UBXN2A: variants seen among roughly 807,000 people sequenced by gnomAD.
The protein encoded by UBXN2A is UBX domain protein 2A, also known as UBX domain-containing protein 2A.
A neutral mutation model predicts 28.4 loss-of-function variants in UBXN2A; 28 were observed. The observed-to-expected ratio is 0.99, with a 90% CI of 0.73 to 1.35. The LOEUF (loss-of-function observed/expected upper bound fraction) is 1.35, where lower values mean the gene tolerates loss of function less well. Among genes scored for constraint, UBXN2A ranks in the 40% most tolerant of loss-of-function variants. UBXN2A has a pLI of 0.00. For synonymous variants in UBXN2A, 97 were observed against 103.6 expected (o/e 0.94, Z 0.39); for missense variants, 253 against 297.9 (o/e 0.85, Z 1.11).
chr2:23,957,740 A>G (rs1706698436), intron 1 of UBXN2A, among the ~76,000 whole-genome samples: 1 of 152,182 alleles, frequency 6.6e-6, no homozygotes, highest in South Asian at 2.1e-4. Context: ...AGGCTGAGGC[A>G]GGAGAATCTC....
chr2:23,999,806 A>T lies in UBXN2A; in HGVS notation c.719A>T (p.Asn240Ile). The T allele has an allele frequency of 6.2e-7, 1 of 1,614,178 alleles. No homozygotes were observed. ...TLTLEEADLQNAVIIQRLQKT... is the reference protein window; with the variant it reads ...TLTLEEADLQIAVIIQRLQKT... ...ACACTGGAAGAAGCAGATTTACAGA[A>T]TGCTGTCATCATTCAGAGACTCCAA... The change falls in exon 7 of 7, where the codon AAT (asparagine) becomes ATT (isoleucine). Residue 240 changes from asparagine to isoleucine, a missense_variant. Asn to Ile is a moderately radical substitution (Grantham distance 149). Transcript: ENST00000309033.
intron 1 of UBXN2A, among the ~76,000 whole-genome samples, chr2:23,948,551 C>T (rs757577306): frequency 6.6e-6 from 1 of 152,158 alleles, no homozygotes; most frequent in Non-Finnish European, 1.5e-5. Context: ...GAAGATGTTT[C>T]TTACCAATCT....
chr2:23,980,622 A>ATTTG (rs374301758), intron 4 of UBXN2A, among the ~76,000 whole-genome samples: 2 of 151,238 alleles, frequency 1.3e-5, no homozygotes, highest in Non-Finnish European at 3.0e-5. Flanking sequence ...CAGTTTTTTT[A>ATTTG]TTTGTTTGTT....
intron 2 of UBXN2A, among the ~76,000 whole-genome samples, chr2:23,961,485 G>T (rs1573559468): frequency 7.2e-6 from 1 of 139,692 alleles, no homozygotes; most frequent in African/African-American, 2.6e-5. Context: ...AAGTGGATTT[G>T]TAAAAATGTT....
rs181707811 is a variant in UBXN2A at position 23,952,771 on chromosome 2, G to T, written c.-14-5530G>T. On this transcript the variant is annotated intron_variant, in intron 1 of 6. Transcript: ENST00000309033. The stretch of plus-strand genomic sequence containing the variant: ...TTTTTGTATTTTTTGTAGAGATGGG[G>T]TCTGGCTATGTTGCCCAGCCTGGTT... Among the ~76,000 whole-genome samples the T allele has an allele frequency of 3.6e-3, 554 of 152,202 alleles. 5 individuals carry two copies. Among genetic ancestry groups the T allele is most frequent in the Admixed American group, 7.5e-3 (115 of 15,260 alleles).
chr2:23,983,154 A>G (rs1707984356), intron 5 of UBXN2A, 121 bp downstream of exon 5: 2 of 1,162,572 alleles, frequency 1.7e-6, no homozygotes, highest in Admixed American at 3.8e-5. Context: ...TGGAAATCAG[A>G]TTTTTTTTAA....
At chr2:23,974,059 G>C (rs1707541724) in intron 3 of UBXN2A, among the ~76,000 whole-genome samples, 2 of 145,084 alleles carry the variant, frequency 1.4e-5, no homozygotes, top group South Asian at 4.4e-4. Flanking sequence ...CTGTCGCCCA[G>C]GCTGGAGTGC....
chr2:23,996,156 T>A (rs1021521637), intron 6 of UBXN2A, among the ~76,000 whole-genome samples: 34 of 151,644 alleles, frequency 2.2e-4, no homozygotes, highest in East Asian at 1.9e-4. Flanking sequence ...AACCTCTGTT[T>A]CCTGGGTTCA....
intron 3 of UBXN2A, among the ~76,000 whole-genome samples, chr2:23,972,557 C>T (rs962656623): frequency 3.3e-5 from 5 of 152,164 alleles, no homozygotes; most frequent in Admixed American, 6.5e-5. Context: ...GGCGCGGTGG[C>T]TCATGCCTGT....
At position 24,003,091 on chromosome 2, in the gene UBXN2A, C is replaced by A. The variant is rs1708749768; in HGVS notation, c.*3224C>A. The stretch of plus-strand genomic sequence containing the variant: ...TCAAAAATGCCATTCCTGCCACCTA[C>A]CACAAAGATTCTGATTCACTGTATC... On this transcript the variant is annotated 3_prime_UTR_variant, in exon 7 of 7. Coordinates refer to ENST00000309033, the MANE Select transcript of UBXN2A (RefSeq NM_181713.4). 6.6e-6 allele frequency: 1 copy of A among 152,146 alleles called. No homozygotes were observed. Among genetic ancestry groups the A allele is most frequent in the Non-Finnish European group, 1.5e-5 (1 of 68,016 alleles). 9.4% of individuals were successfully genotyped at this position (152,146 alleles called of 1,614,324 possible).
At chr2:23,995,661 C>G (rs557276121) in intron 6 of UBXN2A, among the ~76,000 whole-genome samples, 2 of 150,088 alleles carry the variant, frequency 1.3e-5, no homozygotes, top group African/African-American at 4.9e-5. Context: ...CCACTGCACT[C>G]CAGCCTGGGC....
intron 2 of UBXN2A, among the ~76,000 whole-genome samples, chr2:23,960,656 G>A (rs559418853): frequency 1.3e-5 from 2 of 151,970 alleles, no homozygotes; most frequent in East Asian, 1.9e-4. Flanking sequence ...TTTTTGAGAC[G>A]GAATCTCACT....
upstream of UBXN2A, among the ~76,000 whole-genome samples, chr2:23,937,483 G>A (rs993670298): frequency 2.0e-5 from 3 of 152,080 alleles, no homozygotes; most frequent in South Asian, 2.1e-4. Flanking sequence ...CCAGGAGTTC[G>A]ATATCAACCT....
At chr2:23,930,717 TAAAA>T (rs1705341392) in intron 1 of UBXN2A, among the ~76,000 whole-genome samples, 2 of 151,886 alleles carry the variant, frequency 1.3e-5, no homozygotes, top group African/African-American at 4.8e-5. Flanking sequence ...AATAAAATTT[TAAAA>T]AAGAGAAAGA....
chr2:23,991,430 C>CACACACACACACACAT (rs1708348225), intron 6 of UBXN2A, among the ~76,000 whole-genome samples: 1 of 147,058 alleles, frequency 6.8e-6, no homozygotes, highest in Admixed American at 6.8e-5. Context: ...CACACACACA[C>CACACACACACACACAT]ATATACATAT....
At chr2:23,957,389 G>A (rs545653073) in intron 1 of UBXN2A, among the ~76,000 whole-genome samples, 1 of 152,072 alleles carries the variant, frequency 6.6e-6, no homozygotes, top group Non-Finnish European at 1.5e-5. Flanking sequence ...TGCAACCTCT[G>A]CCTCCCAGGT....
At position 23,984,764 on chromosome 2, in the gene UBXN2A, A is replaced by G; in HGVS notation, c.517A>G (p.Ile173Val). 6.4e-7 allele frequency: 1 copy of G among 1,573,536 alleles called. No individual in the cohort carries two copies. ...TGTTCCACTGAACAACTTGGAACCC[A>G]TTACTAATATACAGATCTGGTTGGC... ...SAVPLNNLEPITNIQIWLANG... is the reference protein window; with the variant it reads ...SAVPLNNLEPVTNIQIWLANG... Residue 173 changes from isoleucine to valine, a missense_variant, in exon 6 of 7, where the codon ATT (isoleucine) becomes GTT (valine). By Grantham distance (29) the Ile-to-Val change is conservative. Coordinates refer to ENST00000309033, the MANE Select transcript of UBXN2A (RefSeq NM_181713.4).
At chr2:23,978,791 G>C (rs1483439125) in intron 4 of UBXN2A, among the ~76,000 whole-genome samples, 1 of 151,060 alleles carries the variant, frequency 6.6e-6, no homozygotes, top group Non-Finnish European at 1.5e-5. Flanking sequence ...GTGAAACCCC[G>C]TCTCTACTAA....
At position 23,951,439 on chromosome 2, in the gene UBXN2A, T is replaced by G. The variant is rs984128948; in HGVS notation, c.-14-6862T>G. 6.8e-4 allele frequency among the ~76,000 whole-genome samples: 38 copies of G among 56,224 alleles called. 1 individual carries two copies. The highest frequency in any genetic ancestry group is 1.7e-3 in the African/African-American group (33 of 19,682). The allele number at this position is 56,224 out of a possible 152,430, so 36.9% of individuals were successfully genotyped here. A position where few individuals can be genotyped will look rare whatever the true frequency, so the allele number is the denominator to read the frequency against. On this transcript the variant is annotated intron_variant, in intron 1 of 6. Coordinates refer to ENST00000309033, the MANE Select transcript of UBXN2A (RefSeq NM_181713.4). ...ATATATATATATATATATATATATA[T>G]ATATATATATATATATATATATATA...
Sources: gnomAD v4.1 joint callset for allele counts (sites outside exome capture counted in the v4.1 genomes callset) on GRCh38, gnomAD v4.1.1 for gene constraint, MANE v1.5 for transcripts, NCBI Gene and HGNC (gene_info 2026-07-23, HGNC 2026-07-21) for gene names.